AGBL1: variants seen among roughly 807,000 people sequenced by gnomAD.
AGBL1 encodes cytosolic carboxypeptidase 4.
AGBL1 carries 130 observed loss-of-function variants against 118.9 expected under a neutral mutation model. That is an observed-to-expected ratio of 1.09 (90% CI 0.95 to 1.26). The LOEUF is 1.26. Ranked by LOEUF, AGBL1 falls within the 50% of genes most tolerant of loss-of-function variation. The pLI is 0.00. For synonymous variants in AGBL1, 555 were observed against 478.9 expected (o/e 1.16, Z -2.08); for missense variants, 1,584 against 1,298.1 (o/e 1.22, Z -3.38).
intron 17 of AGBL1, among the ~76,000 whole-genome samples, chr15:86,326,492 G>A (rs1442190478): frequency 2.6e-5 from 4 of 152,216 alleles, no homozygotes; most frequent in African/African-American, 7.2e-5. Context: ...CAACCAAGGT[G>A]AGGATGCAGA....
At chr15:86,337,008 C>T (rs548189041) in intron 17 of AGBL1, among the ~76,000 whole-genome samples, 1 of 152,276 alleles carries the variant, frequency 6.6e-6, no homozygotes, top group East Asian at 1.9e-4. Flanking sequence ...GGAAGCACTC[C>T]TAAGGACTCT....
chr15:86,850,313 G>T (rs1386948926), intron 22 of AGBL1, among the ~76,000 whole-genome samples: 1 of 152,146 alleles, frequency 6.6e-6, no homozygotes, highest in Admixed American at 6.5e-5. Context: ...GTCTGTACAT[G>T]GCATGGATTA....
intron 18 of AGBL1, among the ~76,000 whole-genome samples, chr15:86,487,994 G>A (rs1465989441): frequency 6.6e-6 from 1 of 151,928 alleles, no homozygotes; most frequent in Non-Finnish European, 1.5e-5. Flanking sequence ...GGTTTACCTG[G>A]TCAAAGCAAA....
At chr15:86,816,320 T>G (rs150870778) in intron 22 of AGBL1, among the ~76,000 whole-genome samples, 1,867 of 152,298 alleles carry the variant, frequency 0.012, 26 homozygotes, top group Middle Eastern at 0.061. Flanking sequence ...TGGCCAGCTG[T>G]GATACACCGC....
At chr15:86,773,239 GAA>G (rs2078206985) in intron 22 of AGBL1, among the ~76,000 whole-genome samples, 4 of 152,020 alleles carry the variant, frequency 2.6e-5, no homozygotes, top group South Asian at 2.1e-4. Context: ...CTTGCAAAAA[GAA>G]TATTTGAATT....
intron 22 of AGBL1, among the ~76,000 whole-genome samples, chr15:86,904,766 A>C (rs1009958708): frequency 6.6e-6 from 1 of 151,050 alleles, no homozygotes; most frequent in Non-Finnish European, 1.5e-5. Flanking sequence ...TCCATATATA[A>C]AAATATTTTA....
At position 86,104,719 on chromosome 15, in the gene AGBL1, C is replaced by G. The variant is rs533361645; in HGVS notation, c.51+24696C>G. Among the ~76,000 whole-genome samples the G allele has an allele frequency of 3.9e-5, 6 of 152,288 alleles. No individual in the cohort carries two copies. In the South Asian group the frequency reaches 8.3e-4, roughly 21 times the overall value. On this transcript the variant is annotated intron_variant, in intron 1 of 22. Coordinates refer to ENST00000614907, the MANE Select transcript of AGBL1 (RefSeq NM_001386094.1). ...TGTGGAGATACAGGGGCTGTTGGGC[C>G]TTACAGCAGGATGCAGTCTGGTGAG... is the stretch of plus-strand genomic sequence containing the variant.
intron 24 of AGBL1, among the ~76,000 whole-genome samples, chr15:87,024,699 C>A (rs2081707328): frequency 6.6e-6 from 1 of 151,962 alleles, no homozygotes; most frequent in Non-Finnish European, 1.5e-5. Flanking sequence ...AACTACAGAC[C>A]AATATCCCTG....
chr15:86,766,336 A>T (rs761540860), intron 22 of AGBL1, among the ~76,000 whole-genome samples: 3 of 151,896 alleles, frequency 2.0e-5, no homozygotes, highest in Admixed American at 6.6e-5. Flanking sequence ...GTAATTTTAT[A>T]CATGTTATTT....
At chr15:86,873,922 TAGAA>T (rs2079766453) in intron 22 of AGBL1, among the ~76,000 whole-genome samples, 1 of 152,300 alleles carries the variant, frequency 6.6e-6, no homozygotes, top group African/African-American at 2.4e-5. Flanking sequence ...GTAGTTATAA[TAGAA>T]AGAACAGTGG....
chr15:86,160,158 C>T (rs553709247), intron 5 of AGBL1, among the ~76,000 whole-genome samples: 2 of 91,874 alleles, frequency 2.2e-5, no homozygotes, highest in South Asian at 3.9e-4. Context: ...GGTCAGTGTT[C>T]TATGTCTCTC....
intron 24 of AGBL1, among the ~76,000 whole-genome samples, chr15:87,005,146 G>C (rs1171462975): frequency 2.0e-5 from 3 of 152,080 alleles, no homozygotes; most frequent in African/African-American, 7.2e-5. Flanking sequence ...TTCAACTTTG[G>C]TGAATCTGAC....
At chr15:86,485,160 T>A (rs1266975652) in intron 18 of AGBL1, among the ~76,000 whole-genome samples, 1 of 152,116 alleles carries the variant, frequency 6.6e-6, no homozygotes, top group Non-Finnish European at 1.5e-5. Flanking sequence ...TCAAGTGTGG[T>A]CTGTGGGCCA....
At chr15:86,993,144 TATAAA>T (rs2081349687) in intron 24 of AGBL1, among the ~76,000 whole-genome samples, 2 of 152,218 alleles carry the variant, frequency 1.3e-5, no homozygotes, top group South Asian at 4.1e-4. Context: ...CTAACTGTAA[TATAAA>T]AGGAAAGTAT....
At chr15:86,228,174 C>G (rs1342497746) in intron 6 of AGBL1, among the ~76,000 whole-genome samples, 1 of 152,160 alleles carries the variant, frequency 6.6e-6, no homozygotes, top group East Asian at 1.9e-4. Context: ...GCCTATATGT[C>G]ATGTATAGTT....
At chr15:86,649,299 C>A (rs987069425) in intron 21 of AGBL1, among the ~76,000 whole-genome samples, 2 of 151,900 alleles carry the variant, frequency 1.3e-5, no homozygotes, top group Non-Finnish European at 2.9e-5. Context: ...TTCAATTTTG[C>A]CAGTGAAATT....
rs192088466 is a variant in AGBL1, at chr15:86,692,657, A to T, written c.3158+18221A>T. ...TTGGAGGGAACAGGTAGTATTGGTT[A>T]TATGAGTAAGTTCTTCAGTGGTGAT... On this transcript the variant is annotated intron_variant, in intron 22 of 22. Coordinates refer to ENST00000614907, the MANE Select transcript of AGBL1 (RefSeq NM_001386094.1). 2.5e-3 allele frequency among the ~76,000 whole-genome samples: 376 copies of T among 152,274 alleles called. 1 individual carries two copies. The highest frequency in any genetic ancestry group is 8.4e-3 in the African/African-American group (350 of 41,570).
intron 22 of AGBL1, among the ~76,000 whole-genome samples, chr15:86,745,509 A>C (rs543896239): frequency 1.3e-5 from 2 of 152,150 alleles, no homozygotes; most frequent in East Asian, 3.9e-4. Context: ...AGAGAGGCTC[A>C]GTCTTTTTCT....
Position 86,851,737 on chromosome 15 carries a change from G to A in AGBL1, c.3159-55350G>A, listed in dbSNP as rs2079409443. ...AAGGCAGGGCATTAACTTGAACCTG[G>A]ATGGGGAAGGCATGGGGATGGTGAG... is the stretch of plus-strand genomic sequence containing the variant. On this transcript the variant is annotated intron_variant, in intron 22 of 22. Coordinates refer to ENST00000614907, the MANE Select transcript of AGBL1 (RefSeq NM_001386094.1). 2.0e-5 allele frequency among the ~76,000 whole-genome samples: 3 copies of A among 152,110 alleles called. No individual in the cohort carries two copies. In the South Asian group the frequency reaches 6.2e-4, roughly 32 times the overall value.
Sources: gnomAD v4.1 joint callset for allele counts (sites outside exome capture counted in the v4.1 genomes callset) on GRCh38, gnomAD v4.1.1 for gene constraint, MANE v1.5 for transcripts, NCBI Gene and HGNC (gene_info 2026-07-23, HGNC 2026-07-21) for gene names.